The following CCDC90B variants were observed in gnomAD, a reference collection of about 807,000 sequenced individuals.
CCDC90B encodes coiled-coil domain-containing protein 90B, mitochondrial.
CCDC90B carries 24 observed loss-of-function variants against 37.0 expected under a neutral mutation model. The ratio of observed to expected loss-of-function variants is 0.65; its 90% CI spans 0.47 to 0.91. CCDC90B has a LOEUF of 0.91. Ranked by LOEUF, CCDC90B falls within the 40% of genes least tolerant of loss-of-function variation. The pLI is 0.00. For synonymous variants in CCDC90B, 113 were observed against 101.1 expected, an observed-to-expected ratio of 1.12 and a Z score of -0.71; for missense variants, 319 against 299.0, an observed-to-expected ratio of 1.07 and a Z score of -0.49.
chr11:83,283,014 G>A (rs1865481013), intron 1 of CCDC90B, among the ~76,000 whole-genome samples: 1 of 152,198 alleles, frequency 6.6e-6, no homozygotes. Context: ...AAAGCAAATA[G>A]TTGTGACTGA....
intron 1 of CCDC90B, 139 bp downstream of exon 1, chr11:83,285,734 G>T: frequency 6.9e-7 from 1 of 1,445,794 alleles, no homozygotes; most frequent in Non-Finnish European, 9.1e-7. Context: ...AGCAGGCAGC[G>T]GCGTCGCCCA....
At chr11:83,285,440 A>C (rs930384730) in intron 1 of CCDC90B, 38 of 1,124,388 alleles carry the variant, frequency 3.4e-5, no homozygotes, top group Admixed American at 4.8e-5. Context: ...CGTGGCCTGA[A>C]ATTTATGATG....
At chr11:83,276,867 T>C (rs2135646435) in intron 3 of CCDC90B, among the ~76,000 whole-genome samples, 1 of 152,312 alleles carries the variant, frequency 6.6e-6, no homozygotes, top group South Asian at 2.1e-4. Flanking sequence ...TATAATCAAA[T>C]TTTCAGAATA....
intron 3 of CCDC90B, among the ~76,000 whole-genome samples, chr11:83,276,643 C>G (rs912761928): frequency 7.9e-5 from 12 of 152,230 alleles, no homozygotes; most frequent in African/African-American, 2.7e-4. Context: ...AGCCACCACA[C>G]CAGCCTTAAT....
At position 83,274,645 on chromosome 11, in the gene CCDC90B, C is replaced by A. The variant is rs1490365600; in HGVS notation, c.420G>T (p.Glu140Asp). The A allele has an allele frequency of 6.3e-7, 1 of 1,593,950 alleles. No individual in the cohort carries two copies. The highest frequency in any genetic ancestry group is 1.1e-5 in the South Asian group (1 of 88,994). The change falls in exon 4 of 9, where the codon GAG becomes GAT. Residue 140 changes from glutamate (E) to aspartate (D), a missense_variant. Physicochemically the swap from Glu to Asp is conservative, Grantham distance 45. Coordinates refer to ENST00000529689, the MANE Select transcript of CCDC90B (RefSeq NM_021825.5). ...EKSEFANLRA[E>D]NEKMKIELDQ... ...AAATTAAAATTTGTATCACCTCATT[C>A]TCTGCTCTCAGATTTGCAAATTCAC...
In CCDC90B at chr11:83,273,683, C is replaced by A. The variant is rs376200701; in HGVS notation, c.558G>T (p.Lys186Asn). The A allele has an allele frequency of 6.2e-7, 1 of 1,601,658 alleles. No individual in the cohort carries two copies. Among genetic ancestry groups the A allele is most frequent in the Admixed American group, 1.8e-5 (1 of 56,742 alleles). Residue 186 changes from lysine (K) to asparagine (N), a missense_variant, in exon 7 of 9, where the codon AAG (lysine) becomes AAT (asparagine). Lys to Asn is a moderately conservative substitution (Grantham distance 94). Transcript: ENST00000529689. ...RVTDMFTDQE[K>N]QLMETTTEFT... ...ATTCTGTAGTTGTTTCCATAAGTTG[C>A]TTTTCTTGATCTGTAAACTATAGGA...
chr11:83,266,376 C>T (rs890619514), intron 7 of CCDC90B, among the ~76,000 whole-genome samples: 15 of 152,234 alleles, frequency 9.9e-5, no homozygotes, highest in African/African-American at 3.4e-4. Context: ...GACAGACTAC[C>T]TGGAAAAATG....
chr11:83,285,713 C>T (rs1157447774), intron 1 of CCDC90B, 160 bp downstream of exon 1: 1 of 1,436,858 alleles, frequency 7.0e-7, no homozygotes, highest in Non-Finnish European at 9.1e-7. Context: ...GCGAGCTGGG[C>T]AAGTCGGGGC....
chr11:83,281,837 C>T (rs1252462320), intron 1 of CCDC90B, among the ~76,000 whole-genome samples: 4 of 151,816 alleles, frequency 2.6e-5, no homozygotes, highest in Admixed American at 2.0e-4. Context: ...ATCTATTACC[C>T]CATCCTTAAA....
Position 83,273,706 on chromosome 11 carries a change from G to C in CCDC90B, c.541-6C>G, listed in dbSNP as rs767883740. The C allele has an allele frequency of 5.0e-6, 8 of 1,604,278 alleles. No individual in the cohort carries two copies. Among genetic ancestry groups the C allele is most frequent in the Non-Finnish European group, 5.9e-6 (7 of 1,177,056 alleles). Reference sequence around the variant, plus strand: ...TGCTTTTCTTGATCTGTAAACTATAGGATATGAAGCAGCAGGAAGTTAAAA... The same window carrying C: ...TGCTTTTCTTGATCTGTAAACTATACGATATGAAGCAGCAGGAAGTTAAAA... On this transcript the variant is annotated splice_polypyrimidine_tract_variant and splice_region_variant and intron_variant, in intron 6 of 8. Transcript: ENST00000529689.
chr11:83,262,663 CT>C (rs1378752658), intron 8 of CCDC90B, among the ~76,000 whole-genome samples: 1 of 152,080 alleles, frequency 6.6e-6, no homozygotes, highest in Non-Finnish European at 1.5e-5. Flanking sequence ...GAATGGAAAA[CT>C]TTTATGAATA....
At chr11:83,273,566 A>G in intron 7 of CCDC90B, 81 bp downstream of exon 7, 1 of 1,099,362 alleles carries the variant, frequency 9.1e-7, no homozygotes, top group Non-Finnish European at 1.3e-6. Flanking sequence ...AAAAGTCTAA[A>G]CTTATAAACT....
At chr11:83,267,159 C>T (rs1247514838) in intron 7 of CCDC90B, 1 of 152,212 alleles carries the variant, frequency 6.6e-6, no homozygotes, top group Non-Finnish European at 1.5e-5. Context: ...TGGGGAAAAA[C>T]CAGAGCAGAA....
At chr11:83,266,029 T>C in intron 7 of CCDC90B, 50 bp from the exon 8 acceptor site, 1 of 943,884 alleles carries the variant, frequency 1.1e-6, no homozygotes, top group Non-Finnish European at 1.7e-6. Context: ...ATGTATTAAA[T>C]GGACAAAAGC....
chr11:83,278,005 G>C (rs1256114688), intron 3 of CCDC90B, among the ~76,000 whole-genome samples: 1 of 152,050 alleles, frequency 6.6e-6, no homozygotes, highest in Non-Finnish European at 1.5e-5. Flanking sequence ...ATTATTTCAT[G>C]ACTGACAGAA....
chr11:83,269,583 T>C (rs1028841993), intron 7 of CCDC90B, among the ~76,000 whole-genome samples: 69 of 152,270 alleles, frequency 4.5e-4, no homozygotes, highest in East Asian at 5.8e-4. Flanking sequence ...CCTGGACACA[T>C]ATACCCTCCC....
chr11:83,267,150 G>A (rs540129441), intron 7 of CCDC90B: 1 of 152,322 alleles, frequency 6.6e-6, no homozygotes, highest in East Asian at 1.9e-4. Flanking sequence ...CAACAAAGAT[G>A]GGGAAAAACC....
intron 7 of CCDC90B, chr11:83,273,305 G>C (rs2135629108): frequency 6.4e-6 from 1 of 156,208 alleles, no homozygotes; most frequent in Non-Finnish European, 1.3e-5. Flanking sequence ...GCCCAGACTG[G>C]TCTTGAACTC....
chr11:83,285,636 C>T, intron 1 of CCDC90B: 1 of 1,369,658 alleles, frequency 7.3e-7, no homozygotes, highest in Non-Finnish European at 9.4e-7. Flanking sequence ...GGGCGCGAAG[C>T]CCAGGCCTTC....
Sources: allele counts gnomAD v4.1 joint callset (sites outside exome capture counted in the v4.1 genomes callset), GRCh38; gene constraint gnomAD v4.1.1; transcripts MANE v1.5; gene names NCBI Gene and HGNC (gene_info 2026-07-23, HGNC 2026-07-21).